REEP5: variants seen among roughly 807,000 people sequenced by gnomAD.
The protein encoded by REEP5 is receptor accessory protein 5.
A neutral mutation model predicts 22.4 loss-of-function variants in REEP5; 24 were observed. The ratio of observed to expected loss-of-function variants is 1.07; its 90% CI spans 0.78 to 1.51. The LOEUF (loss-of-function observed/expected upper bound fraction) is 1.51, where lower values mean the gene tolerates loss of function less well. REEP5 is among the 40% of genes most tolerant of loss of function. The pLI, the probability that REEP5 is intolerant of heterozygous loss-of-function variation, is 0.00. For synonymous variants in REEP5, 103 were observed against 88.6 expected, an observed-to-expected ratio of 1.16 and a Z score of -0.92; for missense variants, 252 against 233.0, an observed-to-expected ratio of 1.08 and a Z score of -0.53.
chr5:112,877,678 T>C lies in REEP5; in HGVS notation c.*1108A>G, dbSNP rs1767939739. 6.6e-6 allele frequency: 1 copy of C among 152,176 alleles called. No individual in the cohort carries two copies. Among genetic ancestry groups the C allele is most frequent in the Non-Finnish European group, 1.5e-5 (1 of 68,032 alleles). 9.4% of individuals were successfully genotyped at this position (152,176 alleles called of 1,614,324 possible). On this transcript the variant is annotated 3_prime_UTR_variant, in exon 5 of 5. Transcript: ENST00000379638. ...TTGCCAAGCAGATTATGGGTTACTT[T>C]ATACTTCCTTTCATTCTCCCAGAAT...
intron 2 of REEP5, among the ~76,000 whole-genome samples, chr5:112,919,586 A>C (rs1310772674): frequency 1.3e-5 from 2 of 152,146 alleles, no homozygotes; most frequent in East Asian, 1.9e-4. Context: ...AGAAACAGGC[A>C]TGAGAGCTCT....
intron 3 of REEP5, among the ~76,000 whole-genome samples, chr5:112,890,699 T>C (rs998498174): frequency 4.0e-5 from 6 of 150,404 alleles, no homozygotes; most frequent in Non-Finnish European, 7.4e-5. Context: ...TCTAAAGATA[T>C]ATACAGATCT....
rs1401761707 is a variant in REEP5 at position 112,887,135 on chromosome 5, C to G, written c.400G>C (p.Glu134Gln). The change falls in exon 4 of 5, where the codon GAA (glutamate) becomes CAA (glutamine). Residue 134 changes from glutamate to glutamine, a missense_variant. Physicochemically the swap from Glu to Gln is conservative, Grantham distance 29 (BLOSUM62 2). Transcript: ENST00000379638. ...CGGATGATGCGCTTGTAGAGCAGTTCAGCCCCATTAGAAGGGCTCGGGGCC... is the reference window on the plus strand; with the variant it reads ...CGGATGATGCGCTTGTAGAGCAGTTGAGCCCCATTAGAAGGGCTCGGGGCC... Reference protein sequence around the residue: ...CMAPSPSNGAELLYKRIIRPF... With the variant: ...CMAPSPSNGAQLLYKRIIRPF... The G allele has an allele frequency of 1.2e-6, 2 of 1,612,606 alleles. No homozygotes were observed. Among genetic ancestry groups the G allele is most frequent in the South Asian group, 1.1e-5 (1 of 90,962 alleles).
intron 3 of REEP5, chr5:112,892,342 G>A (rs766973731): frequency 1.9e-6 from 3 of 1,614,140 alleles, no homozygotes; most frequent in African/African-American, 2.7e-5. Context: ...GTACAGCGAG[G>A]AAGAAACCTA....
chr5:112,890,409 C>G (rs114962684), intron 3 of REEP5, among the ~76,000 whole-genome samples: 6,405 of 149,852 alleles, frequency 0.043, 776 homozygotes, highest in African/African-American at 0.15. Flanking sequence ...CACTTTGTCA[C>G]CCAGGCAGGA....
rs529208687 is a variant in REEP5 at position 112,877,458 on chromosome 5, G to A, written c.*1328C>T. On this transcript the variant is annotated 3_prime_UTR_variant, in exon 5 of 5. Coordinates refer to ENST00000379638, the MANE Select transcript of REEP5 (RefSeq NM_005669.5). Reference sequence around the variant, plus strand: ...ACAAATTGCTCTCTATAACGATTTGGCAGATCAATGGAGACATCCGTTTTA... The same window carrying A: ...ACAAATTGCTCTCTATAACGATTTGACAGATCAATGGAGACATCCGTTTTA... 6.6e-6 allele frequency: 1 copy of A among 152,230 alleles called. No individual in the cohort carries two copies. Among genetic ancestry groups the A allele is most frequent in the South Asian group, 2.1e-4 (1 of 4,828 alleles). 9.4% of individuals were successfully genotyped at this position (152,230 alleles called of 1,614,324 possible).
intron 2 of REEP5, among the ~76,000 whole-genome samples, chr5:112,914,650 C>G (rs1769192414): frequency 6.6e-6 from 1 of 152,184 alleles, no homozygotes; most frequent in African/African-American, 2.4e-5. Context: ...TAAAGTTTAA[C>G]TTAATCTCAA....
At chr5:112,908,101 G>GT (rs1047059353) in intron 2 of REEP5, among the ~76,000 whole-genome samples, 1,848 of 83,900 alleles carry the variant, frequency 0.022, 35 homozygotes, top group Middle Eastern at 0.046. Flanking sequence ...TTTGTTTTTT[G>GT]TTTTTTTTTT....
chr5:112,916,669 G>A (rs1439255374), intron 2 of REEP5, among the ~76,000 whole-genome samples: 1 of 152,140 alleles, frequency 6.6e-6, no homozygotes, highest in Non-Finnish European at 1.5e-5. Flanking sequence ...TCTACATAAG[G>A]TGATGTTGTG....
intron 1 of REEP5, 87 bp from the exon 2 acceptor site, chr5:112,921,343 T>C (rs746585052): frequency 7.8e-7 from 1 of 1,282,564 alleles, no homozygotes; most frequent in Admixed American, 1.9e-5. Context: ...AGGCTGGGCC[T>C]GTTGTAGGAG....
chr5:112,918,081 TA>T (rs1408350874), intron 2 of REEP5, among the ~76,000 whole-genome samples: 2 of 151,950 alleles, frequency 1.3e-5, no homozygotes, highest in Non-Finnish European at 2.9e-5. Context: ...AAGAGGGAAG[TA>T]AGGAGATTAA....
chr5:112,884,916 A>T (rs818428), intron 4 of REEP5, among the ~76,000 whole-genome samples: 85,254 of 151,804 alleles, frequency 0.56, 26,400 homozygotes, highest in African/African-American at 0.84. Flanking sequence ...TCTCTTCGGT[A>T]TGCTGGTTCA....
intron 1 of REEP5, chr5:112,921,579 C>A (rs948445550): frequency 4.3e-5 from 17 of 394,600 alleles, no homozygotes; most frequent in Non-Finnish European, 7.1e-5. Flanking sequence ...CTGGGCAGCG[C>A]TCCAGCCTGG....
chr5:112,891,868 C>T (rs560904413), intron 3 of REEP5: 6 of 1,465,892 alleles, frequency 4.1e-6, no homozygotes, highest in Admixed American at 1.7e-5. Flanking sequence ...GGAAAGATTA[C>T]ATGAGGAGTG....
At chr5:112,917,522 A>C (rs564977516) in intron 2 of REEP5, among the ~76,000 whole-genome samples, 2 of 152,368 alleles carry the variant, frequency 1.3e-5, no homozygotes, top group East Asian at 3.9e-4. Context: ...TGGGTAGGAC[A>C]GAAAGCAAAC....
rs766971648 is a variant in REEP5 at position 112,902,446 on chromosome 5, C to T, written c.285G>A (p.Val95=). ...CAGAGAAGAATTCAGCAATGCTGAA[C>T]ACACCATACACTACCCAGTAGGTCA... ...QWLTYWVVYG[V]FSIAEFFSDI... Residue 95 remains valine (V), a synonymous_variant, in exon 3 of 5, where the codon GTG becomes GTA. Transcript: ENST00000379638. The T allele has an allele frequency of 7.4e-6, 12 of 1,613,132 alleles. No homozygotes were observed. The highest frequency in any genetic ancestry group is 1.7e-4 in the Middle Eastern group (1 of 6,056).
At chr5:112,892,126 C>T (rs1768482384) in intron 3 of REEP5, 18 of 1,614,172 alleles carry the variant, frequency 1.1e-5, no homozygotes, top group Non-Finnish European at 1.4e-5. Context: ...AAACCCAGAA[C>T]CACCCGTGGA....
intron 2 of REEP5, among the ~76,000 whole-genome samples, chr5:112,918,553 G>T (rs919565602): frequency 6.6e-6 from 1 of 152,222 alleles, no homozygotes; most frequent in Non-Finnish European, 1.5e-5. Flanking sequence ...AGAAAGGAAG[G>T]AAGTAAATTA....
At chr5:112,914,438 A>G (rs1769187615) in intron 2 of REEP5, among the ~76,000 whole-genome samples, 1 of 151,912 alleles carries the variant, frequency 6.6e-6, no homozygotes, top group Admixed American at 6.6e-5. Flanking sequence ...GGGTTTTGCC[A>G]TGTTGTCCAG....
Sources: gnomAD v4.1 joint callset for allele counts (sites outside exome capture counted in the v4.1 genomes callset) on GRCh38, gnomAD v4.1.1 for gene constraint, MANE v1.5 for transcripts, NCBI Gene and HGNC (gene_info 2026-07-23, HGNC 2026-07-21) for gene names.